SHROOM4: variants seen among roughly 807,000 people sequenced by gnomAD.
The protein encoded by SHROOM4 is shroom family member 4, also known as protein Shroom4.
In SHROOM4, 17 loss-of-function variants were observed where a neutral mutation model predicts 80.3. The observed-to-expected ratio is 0.21, with a 90% CI of 0.14 to 0.32. The LOEUF (loss-of-function observed/expected upper bound fraction) is 0.32. SHROOM4 is among the 10% of genes least tolerant of loss of function. The pLI is 1.00. For missense variants in SHROOM4, 993 were observed against 1,140.3 expected (o/e 0.87, Z 1.86); for synonymous variants, 400 against 437.5 (o/e 0.91, Z 1.07).
chrX:50,768,272 A>G (rs1935320370), intron 1 of SHROOM4, among the ~76,000 whole-genome samples: 1 of 112,064 alleles, frequency 8.9e-6, no homozygotes. Context: ...CAGTGGACAC[A>G]TTAAAAGCAT....
chrX:50,795,129 T>TATATATATATGATATATATATATG, intron 1 of SHROOM4, among the ~76,000 whole-genome samples: 1 of 2,290 alleles, frequency 4.4e-4, no homozygotes, highest in African/African-American at 8.1e-4. Flanking sequence ...ATATATATGA[T>TATATATATATGATATATATATATG]ATATATATAT....
Position 50,596,276 on chromosome X carries a change from A to T in SHROOM4, c.*419T>A, listed in dbSNP as rs1929105572. ...AGCTCTCTGTGAGAAATGGCTGGCC[A>T]CAAGCCCTGGGGCAGAGTAGAGCTG... is the stretch of plus-strand genomic sequence containing the variant. On this transcript the variant is annotated 3_prime_UTR_variant, in exon 9 of 9. Coordinates refer to ENST00000376020, the MANE Select transcript of SHROOM4 (RefSeq NM_020717.5). The T allele has an allele frequency of 2.9e-6, 1 of 340,368 alleles. No homozygotes were observed. The highest frequency in any genetic ancestry group is 5.6e-6 in the Non-Finnish European group (1 of 177,163). The allele number at this position is 340,368 out of a possible 1,213,427, so 28.1% of individuals were successfully genotyped here.
rs782557177 is a variant in SHROOM4, at chrX:50,710,248, C to T, written c.118-14311G>A. The stretch of plus-strand genomic sequence containing the variant: ...ATTGCAGCACTATTCACAATAGCTA[C>T]GACATGGAAACCACCTAAGTGTCCA... On this transcript the variant is annotated intron_variant, in intron 1 of 8. Transcript: ENST00000376020. Among the ~76,000 whole-genome samples the T allele has an allele frequency of 2.7e-5, 3 of 111,720 alleles. No homozygotes were observed. The South Asian group carries it at 1.1e-3, about 42-fold the overall frequency.
At chrX:50,717,280 C>T (rs5915190) in intron 1 of SHROOM4, among the ~76,000 whole-genome samples, 18 of 111,328 alleles carry the variant, frequency 1.6e-4, no homozygotes, top group Middle Eastern at 4.3e-3. Context: ...TGCATTGGTG[C>T]GATCTCAGCT....
intron 1 of SHROOM4, among the ~76,000 whole-genome samples, chrX:50,797,386 T>A (rs1439844866): frequency 1.8e-5 from 2 of 111,977 alleles, no homozygotes; most frequent in Admixed American, 1.9e-4. Flanking sequence ...CTCTAGGATA[T>A]GTAAGTGAAA....
intron 2 of SHROOM4, among the ~76,000 whole-genome samples, chrX:50,645,000 A>G (rs1438926533): frequency 8.9e-6 from 1 of 112,468 alleles, no homozygotes; most frequent in Admixed American, 9.4e-5. Context: ...TAGCAATAAG[A>G]AAACTGATTT....
At chrX:50,651,837 G>C (rs1932086227) in intron 2 of SHROOM4, among the ~76,000 whole-genome samples, 1 of 110,120 alleles carries the variant, frequency 9.1e-6, no homozygotes, top group Non-Finnish European at 1.9e-5. Context: ...GTGGTGTTTG[G>C]TTTTCTGTTC....
rs781981884 is a variant in SHROOM4, at chrX:50,602,381, C to T, written c.3942+252G>A. ...TGCTGGGATTACAGGCGGGAGCCAC[C>T]GTGCCCAGCCCTTGTTGGGTTGTTC... On this transcript the variant is annotated intron_variant, in intron 7 of 8. Coordinates refer to ENST00000376020, the MANE Select transcript of SHROOM4 (RefSeq NM_020717.5). Among the ~76,000 whole-genome samples the T allele has an allele frequency of 3.4e-4, 38 of 111,524 alleles. No individual in the cohort carries two copies. In the East Asian group the frequency reaches 3.9e-3, roughly 12 times the overall value.
Position 50,591,722 on chromosome X carries a change from CTTT to C in SHROOM4, c.*4970_*4972del, listed in dbSNP as rs1928894433. 1.4e-5 allele frequency: 4 copies of C among 281,879 alleles called. No individual in the cohort carries two copies. The highest frequency in any genetic ancestry group is 2.6e-5 in the Non-Finnish European group (4 of 153,645). 23.2% of individuals were successfully genotyped at this position (281,879 alleles called of 1,213,427 possible). On this transcript the variant is annotated 3_prime_UTR_variant, in exon 9 of 9. Transcript: ENST00000376020. Reference sequence around the variant, plus strand: ...TCTTTCTTTCTTTCTTTCTTTCTTTCTTTCTTTCTTTTTGAGACAAAGTCTCAC... The same window carrying C: ...TCTTTCTTTCTTTCTTTCTTTCTTTCCTTTCTTTTTGAGACAAAGTCTCAC...
chrX:50,637,770 A>G (rs1359833422), intron 3 of SHROOM4, among the ~76,000 whole-genome samples: 1 of 112,186 alleles, frequency 8.9e-6, no homozygotes, highest in Non-Finnish European at 1.9e-5. Context: ...CAGAGGTAAT[A>G]AAGACCAGAT....
At chrX:50,783,510 T>C (rs905019987) in intron 1 of SHROOM4, among the ~76,000 whole-genome samples, 1 of 111,574 alleles carries the variant, frequency 9.0e-6, no homozygotes, top group Non-Finnish European at 1.9e-5. Flanking sequence ...AACTGATCTA[T>C]AAATACAGCA....
At chrX:50,788,399 G>T (rs1252433596) in intron 1 of SHROOM4, among the ~76,000 whole-genome samples, 1 of 111,246 alleles carries the variant, frequency 9.0e-6, no homozygotes, top group Non-Finnish European at 1.9e-5. Flanking sequence ...CAAGAAAAAA[G>T]AATTATAAGA....
At chrX:50,601,060 G>T (rs2147215320) in intron 7 of SHROOM4, among the ~76,000 whole-genome samples, 1 of 112,195 alleles carries the variant, frequency 8.9e-6, no homozygotes, top group African/African-American at 3.2e-5. Flanking sequence ...TCTACAACCT[G>T]AACCTCAGTC....
chrX:50,812,842 T>G (rs73485803), intron 1 of SHROOM4, among the ~76,000 whole-genome samples: 5,556 of 111,864 alleles, frequency 0.05, 328 homozygotes, highest in African/African-American at 0.17. Flanking sequence ...TCAACTGCCA[T>G]TTAAGCGGGT....
intron 1 of SHROOM4, among the ~76,000 whole-genome samples, chrX:50,805,699 A>G (rs906567770): frequency 1.7e-4 from 19 of 111,786 alleles, no homozygotes; most frequent in African/African-American, 5.9e-4. Context: ...CAGTAAAGCA[A>G]GAACTTGTCC....
chrX:50,576,266 A>G, the SHROOM4 span, among the ~76,000 whole-genome samples: 2 of 111,816 alleles, frequency 1.8e-5, no homozygotes, highest in African/African-American at 3.3e-5. Context: ...AGGACTCCCA[A>G]CTGATCTGGA....
intron 2 of SHROOM4, among the ~76,000 whole-genome samples, chrX:50,640,870 CTCTGTTGCT>C (rs1163145663): frequency 8.9e-6 from 1 of 112,396 alleles, no homozygotes; most frequent in Non-Finnish European, 1.9e-5. Context: ...CACTCATTAG[CTCTGTTGCT>C]TTAGACAGGT....
chrX:50,591,651 C>G lies in SHROOM4; in HGVS notation c.*5044G>C. ...CCTAAGTACTTTTTTCTTTTTGATG[C>G]TATTGTAAATGGAACTGTTTTCTTT... is the stretch of plus-strand genomic sequence containing the variant. On this transcript the variant is annotated 3_prime_UTR_variant, in exon 9 of 9. Coordinates refer to ENST00000376020, the MANE Select transcript of SHROOM4 (RefSeq NM_020717.5). 3.3e-6 allele frequency: 1 copy of G among 299,616 alleles called. No individual in the cohort carries two copies. Among genetic ancestry groups the G allele is most frequent in the Non-Finnish European group, 6.2e-6 (1 of 161,867 alleles). 24.7% of individuals were successfully genotyped at this position (299,616 alleles called of 1,213,427 possible).
rs782580781 is a variant in SHROOM4, at chrX:50,590,492, C to T, written c.*6203G>A. Among the ~76,000 whole-genome samples, 3 of 110,984 alleles carry T rather than the reference C, an allele frequency of 2.7e-5. No individual in the cohort carries two copies. Among genetic ancestry groups the T allele is most frequent in the African/African-American group, 6.5e-5 (2 of 30,555 alleles). On this transcript the variant is annotated 3_prime_UTR_variant, in exon 9 of 9. Coordinates refer to ENST00000376020, the MANE Select transcript of SHROOM4 (RefSeq NM_020717.5). ...GTTGCGATCTCCTGACCTCCTGATC[C>T]GCCCGCCACGGCCTCCCAAAGTGCT... is the stretch of plus-strand genomic sequence containing the variant.
Sources: allele counts gnomAD v4.1 joint callset (sites outside exome capture counted in the v4.1 genomes callset), GRCh38; gene constraint gnomAD v4.1.1; transcripts MANE v1.5; gene names NCBI Gene and HGNC (gene_info 2026-07-23, HGNC 2026-07-21).